Variants in LHCGR observed in about 807,000 individuals in gnomAD.
LHCGR encodes the protein lutropin-choriogonadotropic hormone receptor.
In LHCGR, 55 loss-of-function variants were observed where a neutral mutation model predicts 60.7. The ratio of observed to expected loss-of-function variants is 0.91; its 90% CI spans 0.73 to 1.13. LHCGR has a LOEUF of 1.13. LHCGR is among the 50% of genes most tolerant of loss of function. The pLI, the probability that LHCGR is intolerant of heterozygous loss-of-function variation, is 0.00. For synonymous variants in LHCGR, 337 were observed against 316.5 expected (o/e 1.06, Z -0.69); for missense variants, 862 against 836.0 (o/e 1.03, Z -0.38).
chr2:48,699,066 C>T (rs1354766401), intron 8 of LHCGR, among the ~76,000 whole-genome samples: 1 of 152,052 alleles, frequency 6.6e-6, no homozygotes, highest in Non-Finnish European at 1.5e-5. Flanking sequence ...CCTCGTGATC[C>T]GCCCACCTCG....
chr2:48,719,108 G>T (rs1668387747), intron 6 of LHCGR, among the ~76,000 whole-genome samples: 1 of 151,630 alleles, frequency 6.6e-6, no homozygotes, highest in African/African-American at 2.4e-5. Flanking sequence ...GGATCACGAG[G>T]TCAGGAGATC....
At chr2:48,721,870 G>T in intron 6 of LHCGR, 1 of 448,084 alleles carries the variant, frequency 2.2e-6, no homozygotes, top group Non-Finnish European at 4.6e-6. Flanking sequence ...AAGAAATGAG[G>T]CCGGGGGGTG....
At chr2:48,725,306 C>T (rs1333705515) in intron 4 of LHCGR, among the ~76,000 whole-genome samples, 2 of 152,068 alleles carry the variant, frequency 1.3e-5, no homozygotes, top group Non-Finnish European at 2.9e-5. Flanking sequence ...AGAGTCAGAC[C>T]AGAATTGCCA....
intron 1 of LHCGR, among the ~76,000 whole-genome samples, chr2:48,751,623 C>T (rs1669959818): frequency 6.6e-6 from 1 of 152,186 alleles, no homozygotes; most frequent in Non-Finnish European, 1.5e-5. Flanking sequence ...CGGCACTGAA[C>T]ACTGTTTTGG....
chr2:48,695,926 T>C (rs1554614), intron 9 of LHCGR, among the ~76,000 whole-genome samples: 148,922 of 152,278 alleles, frequency 0.98, 72,838 homozygotes, highest in East Asian at 1. Flanking sequence ...TTGAAAACTA[T>C]CTATCGAGTA....
At chr2:48,723,601 A>G (rs1668592638) in intron 5 of LHCGR, 21 bp downstream of exon 5, 2 of 1,608,252 alleles carry the variant, frequency 1.2e-6, no homozygotes, top group Non-Finnish European at 8.5e-7. Context: ...TGTTATGCAT[A>G]GCAATCAGCC....
Position 48,687,716 on chromosome 2 carries a change from G to A in LHCGR, c.2081C>T (p.Thr694Ile), listed in dbSNP as rs1679965202. The A allele has an allele frequency of 1.2e-6, 2 of 1,613,672 alleles. No homozygotes were observed. Among genetic ancestry groups the A allele is most frequent in the Non-Finnish European group, 1.7e-6 (2 of 1,179,710 alleles). The part of the protein sequence containing the change: ...HCQGTALLDK[T>I]RYTEC ...TAACAGTTAACACTCTGTGTAGCGAGTCTTGTCTAGGAGAGCTGTACCTTG... is the reference window on the plus strand; with the variant it reads ...TAACAGTTAACACTCTGTGTAGCGAATCTTGTCTAGGAGAGCTGTACCTTG... Residue 694 changes from threonine to isoleucine, a missense_variant, in exon 11 of 11, where the codon ACT becomes ATT. Transcript: ENST00000294954.
At chr2:48,726,698 C>G (rs2104457901) in intron 3 of LHCGR, among the ~76,000 whole-genome samples, 1 of 152,322 alleles carries the variant, frequency 6.6e-6, no homozygotes, top group Non-Finnish European at 1.5e-5. Context: ...GCTCTGGAGT[C>G]AACTTGGTTT....
rs1406001698 is a variant in LHCGR, at chr2:48,686,959, C to T, written c.*738G>A. ...AATGCACTGAGACAGGGTTCCTACTCACGAGGAGTTTACAGTCTACAGCTT... is the reference window on the plus strand; with the variant it reads ...AATGCACTGAGACAGGGTTCCTACTTACGAGGAGTTTACAGTCTACAGCTT... On this transcript the variant is annotated 3_prime_UTR_variant, in exon 11 of 11. Transcript: ENST00000294954. 6.6e-6 allele frequency: 1 copy of T among 152,150 alleles called. No homozygotes were observed. Among genetic ancestry groups the T allele is most frequent in the African/African-American group, 2.4e-5 (1 of 41,420 alleles). The allele number at this position is 152,150 out of a possible 1,614,324, so 9.4% of individuals were successfully genotyped here.
At chr2:48,708,551 CACA>C (rs1667812927) in intron 8 of LHCGR, among the ~76,000 whole-genome samples, 11 of 1,236 alleles carry the variant, frequency 8.9e-3, no homozygotes, top group East Asian at 0.17. Flanking sequence ...TACCCACCCA[CACA>C]CACACACACA....
At chr2:48,709,151 TGGA>T in intron 7 of LHCGR, 129 bp from the exon 8 acceptor site, 1 of 758,176 alleles carries the variant, frequency 1.3e-6, no homozygotes, top group Non-Finnish European at 2.4e-6. Context: ...AAAGGGTAAG[TGGA>T]GGGAAAGTGG....
chr2:48,693,230 A>C (rs1179258267), intron 10 of LHCGR, among the ~76,000 whole-genome samples: 1 of 152,096 alleles, frequency 6.6e-6, no homozygotes, highest in Non-Finnish European at 1.5e-5. Flanking sequence ...AAAAGAAGAG[A>C]CAGTAATACT....
At chr2:48,739,933 G>T (rs1432570589) in intron 1 of LHCGR, among the ~76,000 whole-genome samples, 1 of 152,226 alleles carries the variant, frequency 6.6e-6, no homozygotes, top group East Asian at 1.9e-4. Context: ...GAGGTACCAG[G>T]TTCATCTCAC....
chr2:48,712,256 C>T (rs1163509221), intron 7 of LHCGR, among the ~76,000 whole-genome samples: 1 of 152,016 alleles, frequency 6.6e-6, no homozygotes, highest in East Asian at 1.9e-4. Flanking sequence ...GCAGTTTATA[C>T]ACTATTTGGA....
intron 1 of LHCGR, among the ~76,000 whole-genome samples, chr2:48,746,978 T>C (rs749968936): frequency 2.7e-5 from 4 of 149,552 alleles, no homozygotes; most frequent in Non-Finnish European, 6.0e-5. Flanking sequence ...GGAAGCTCTT[T>C]CATTAAAAGC....
rs759244175 is a variant in LHCGR, at chr2:48,723,455, CA to C, written c.536del (p.Leu179ProfsTer21). 1 of 1,600,424 alleles carries C rather than the reference CA, an allele frequency of 6.2e-7. No homozygotes were observed. The highest frequency in any genetic ancestry group is 1.1e-5 in the South Asian group (1 of 90,792). ...GAACACAAATCTGGGAGTTTACTCA[CA>C]GTGTTACAGATTCATTATTCATCCC... Reference protein sequence around the residue: ...FQGMNNESVTLKLYGNGFEEV... With the variant: ...FQGMNNESVTXKLYGNGFEEV... On this transcript the variant is annotated frameshift_variant and splice_region_variant, in exon 6 of 11. Transcript: ENST00000294954. LOFTEE classifies it high-confidence loss of function.
intron 8 of LHCGR, among the ~76,000 whole-genome samples, chr2:48,700,767 A>G (rs1274235665): frequency 6.6e-6 from 1 of 152,236 alleles, no homozygotes; most frequent in African/African-American, 2.4e-5. Context: ...CCAGAAGTTG[A>G]GAGCAGAGAA....
At chr2:48,713,733 G>A (rs1668107541) in intron 7 of LHCGR, among the ~76,000 whole-genome samples, 1 of 152,138 alleles carries the variant, frequency 6.6e-6, no homozygotes, top group South Asian at 2.1e-4. Flanking sequence ...GTTGCAGGAG[G>A]CATAAAGTAG....
intron 1 of LHCGR, among the ~76,000 whole-genome samples, chr2:48,745,926 GT>G (rs1393484648): frequency 2.6e-5 from 4 of 152,002 alleles, no homozygotes; most frequent in African/African-American, 9.7e-5. Flanking sequence ...TATGGAAAGG[GT>G]TTTCATCACC....
Sources: gnomAD v4.1 joint callset for allele counts (sites outside exome capture counted in the v4.1 genomes callset) on GRCh38, gnomAD v4.1.1 for gene constraint, MANE v1.5 for transcripts, NCBI Gene and HGNC (gene_info 2026-07-23, HGNC 2026-07-21) for gene names.